The following LARP4B variants were observed in gnomAD, a reference collection of about 807,000 sequenced individuals.
LARP4B encodes La ribonucleoprotein 4B, also known as la-related protein 4B.
Under a neutral mutation model 89.8 loss-of-function variants are expected in LARP4B, and 12 were observed. The observed-to-expected ratio is 0.13, with a 90% CI of 0.09 to 0.22. The LOEUF is 0.22. Ranked by LOEUF, LARP4B falls within the 10% of genes least tolerant of loss-of-function variation. The probability of loss-of-function intolerance (pLI) is 1.00; values close to 1 mark genes in which losing one functional copy is unlikely to be tolerated. For missense variants in LARP4B, 757 were observed against 947.7 expected (o/e 0.80, Z 2.64); for synonymous variants, 367 against 363.3 (o/e 1.01, Z -0.12).
At chr10:882,512 C>T (rs192505579) in intron 3 of LARP4B, among the ~76,000 whole-genome samples, 10 of 152,104 alleles carry the variant, frequency 6.6e-5, no homozygotes, top group East Asian at 3.9e-4. Context: ...CTCAGCCTCC[C>T]GAGTAGCTGG....
rs56788542 is a variant in LARP4B at position 833,249 on chromosome 10, T to TAAAAAAAAAAAA, written c.751-2284_751-2273dup. 1.7e-4 allele frequency among the ~76,000 whole-genome samples: 9 copies of TAAAAAAAAAAAA among 52,034 alleles called. No homozygotes were observed. In the East Asian group the frequency reaches 3.7e-3, roughly 21 times the overall value. 34.1% of individuals were successfully genotyped at this position (52,034 alleles called of 152,430 possible). A position where few individuals can be genotyped will look rare whatever the true frequency, so the allele number is the denominator to read the frequency against. On this transcript the variant is annotated intron_variant, in intron 8 of 17. Coordinates refer to ENST00000316157, the MANE Select transcript of LARP4B (RefSeq NM_015155.3). ...AACACTAACGATAGCTGATGAGCTTTAAAAAAAAAAAAAAAAAAAAAAAAA... is the reference window on the plus strand; with the variant it reads ...AACACTAACGATAGCTGATGAGCTTTAAAAAAAAAAAAAAAAAAAAAAAAAAAAAAAAAAAAA...
At chr10:980,502 C>T in the LARP4B span, among the ~76,000 whole-genome samples, 3 of 152,234 alleles carry the variant, frequency 2.0e-5, no homozygotes, top group Admixed American at 6.5e-5. Context: ...GTGGAGGCCA[C>T]CAAGAGTTCT....
intron 1 of LARP4B, among the ~76,000 whole-genome samples, chr10:930,305 C>A (rs1045198978): frequency 7.2e-5 from 11 of 152,216 alleles, no homozygotes; most frequent in African/African-American, 2.7e-4. Flanking sequence ...AAAAAGGCCT[C>A]ACGCATACTG....
At chr10:975,800 C>T in the LARP4B span, among the ~76,000 whole-genome samples, 16 of 151,660 alleles carry the variant, frequency 1.1e-4, no homozygotes, top group African/African-American at 3.6e-4. Context: ...CGTGTGGACC[C>T]GGCCTAGTAG....
At chr10:886,462 C>T (rs917193032) in intron 1 of LARP4B, among the ~76,000 whole-genome samples, 1 of 152,144 alleles carries the variant, frequency 6.6e-6, no homozygotes, top group Non-Finnish European at 1.5e-5. Flanking sequence ...TATCCAAAGG[C>T]AATGAAATCA....
the LARP4B span, among the ~76,000 whole-genome samples, chr10:966,056 T>TTG: frequency 0.038 from 4,923 of 128,206 alleles, 125 homozygotes; most frequent in East Asian, 0.13. Flanking sequence ...TGTGTGGGTT[T>TTG]TGTGTGTGTG....
chr10:900,745 G>C lies in LARP4B; in HGVS notation c.-39-14985C>G, dbSNP rs1173061270. Among the ~76,000 whole-genome samples, 4 of 146,930 alleles carry C rather than the reference G, an allele frequency of 2.7e-5. No individual in the cohort carries two copies. In the East Asian group the frequency reaches 7.9e-4, roughly 29 times the overall value. On this transcript the variant is annotated intron_variant, in intron 1 of 17. Coordinates refer to ENST00000316157, the MANE Select transcript of LARP4B (RefSeq NM_015155.3). ...AGCGATTCTCCTGCCTCAGCCTCTC[G>C]AGTAGCTGGGACTACAGGTGCACGC...
At chr10:827,999 C>T (rs1468587473) in intron 11 of LARP4B, among the ~76,000 whole-genome samples, 1 of 152,164 alleles carries the variant, frequency 6.6e-6, no homozygotes, top group East Asian at 1.9e-4. Flanking sequence ...AATTGGGGTC[C>T]TCTGAAAATC....
At chr10:977,752 C>T in the LARP4B span, among the ~76,000 whole-genome samples, 4 of 152,130 alleles carry the variant, frequency 2.6e-5, no homozygotes, top group African/African-American at 9.7e-5. Context: ...AGGAGGATTG[C>T]ATAGGTTATA....
chr10:913,789 G>C (rs1424118665), intron 1 of LARP4B, among the ~76,000 whole-genome samples: 1 of 152,108 alleles, frequency 6.6e-6, no homozygotes, highest in Non-Finnish European at 1.5e-5. Context: ...CACGCCTGTA[G>C]TCCCAGCTAC....
At chr10:829,248 C>A in intron 11 of LARP4B, 137 bp downstream of exon 11, 1 of 723,486 alleles carries the variant, frequency 1.4e-6, no homozygotes, top group East Asian at 2.8e-5. Flanking sequence ...ATTTAAAATC[C>A]CCCACATAAC....
At chr10:946,555 G>A in the LARP4B span, among the ~76,000 whole-genome samples, 2 of 152,188 alleles carry the variant, frequency 1.3e-5, no homozygotes, top group African/African-American at 4.8e-5. Flanking sequence ...TTAGGGAATA[G>A]GCCTTTCCTT....
At chr10:975,304 G>A in the LARP4B span, among the ~76,000 whole-genome samples, 2 of 152,192 alleles carry the variant, frequency 1.3e-5, no homozygotes, top group South Asian at 4.1e-4. Flanking sequence ...CACACGTCCT[G>A]ATGCAGCAAT....
chr10:914,589 G>A (rs1441561822), intron 1 of LARP4B, among the ~76,000 whole-genome samples: 1 of 151,774 alleles, frequency 6.6e-6, no homozygotes, highest in Non-Finnish European at 1.5e-5. Context: ...GAGGTCAGGA[G>A]TTCAAGACCA....
At chr10:844,177 A>T (rs1003279402) in intron 6 of LARP4B, among the ~76,000 whole-genome samples, 14 of 152,348 alleles carry the variant, frequency 9.2e-5, no homozygotes, top group Admixed American at 2.6e-4. Context: ...GGTGTAGCTG[A>T]TTCTGGCCCC....
At chr10:876,622 G>A (rs1835463035) in intron 3 of LARP4B, among the ~76,000 whole-genome samples, 1 of 152,188 alleles carries the variant, frequency 6.6e-6, no homozygotes, top group African/African-American at 2.4e-5. Context: ...CCACCCAGCA[G>A]CTGTCAGGGG....
the LARP4B span, among the ~76,000 whole-genome samples, chr10:979,535 T>C: frequency 3.9e-5 from 6 of 152,222 alleles, no homozygotes; most frequent in Admixed American, 2.6e-4. Flanking sequence ...CTAGGGCCCT[T>C]CTACATGGTT....
chr10:821,928 C>A (rs1448888055), intron 13 of LARP4B, among the ~76,000 whole-genome samples: 4 of 152,168 alleles, frequency 2.6e-5, no homozygotes, highest in Non-Finnish European at 5.9e-5. Flanking sequence ...ACAGGTGGGG[C>A]ATGAGTCCTG....
the LARP4B span, among the ~76,000 whole-genome samples, chr10:978,197 C>T: frequency 4.6e-5 from 7 of 152,010 alleles, no homozygotes; most frequent in African/African-American, 1.7e-4. Flanking sequence ...CTGCTCATTC[C>T]TTCATTTTAT....
Sources: gnomAD v4.1 joint callset for allele counts (sites outside exome capture counted in the v4.1 genomes callset) on GRCh38, gnomAD v4.1.1 for gene constraint, MANE v1.5 for transcripts, NCBI Gene and HGNC (gene_info 2026-07-23, HGNC 2026-07-21) for gene names.